JARID2: variants seen among roughly 807,000 people sequenced by gnomAD.
JARID2 encodes jumonji and AT-rich interaction domain containing 2.
In JARID2, 21 loss-of-function variants were observed where a neutral mutation model predicts 125.6. That is an observed-to-expected ratio of 0.17 (90% CI 0.12 to 0.24). JARID2 has a LOEUF of 0.24. Among genes scored for constraint, JARID2 ranks in the 10% least tolerant of loss-of-function variants. The pLI is 1.00. For missense variants in JARID2, 1,303 were observed against 1,639.6 expected (o/e 0.79, Z 3.55); for synonymous variants, 736 against 661.6 (o/e 1.11, Z -1.73).
intron 6 of JARID2, among the ~76,000 whole-genome samples, chr6:15,491,565 G>A (rs1346002527): frequency 1.3e-5 from 2 of 152,252 alleles, no homozygotes; most frequent in African/African-American, 2.4e-5. Context: ...CGGCTCAACG[G>A]CTCCCTCTCG....
At chr6:15,291,707 CT>C (rs1215286893) in intron 1 of JARID2, among the ~76,000 whole-genome samples, 1 of 152,194 alleles carries the variant, frequency 6.6e-6, no homozygotes, top group African/African-American at 2.4e-5. Flanking sequence ...ATGTTGTTTT[CT>C]CTAGAAGTAA....
intron 7 of JARID2, 43 bp downstream of exon 7, chr6:15,497,213 G>T (rs1234664344): frequency 2.1e-6 from 3 of 1,412,364 alleles, no homozygotes. Flanking sequence ...CTGCCCTCCT[G>T]CCCCCAGATC....
At chr6:15,249,057 C>T (rs1759327270) in intron 1 of JARID2, 1 of 607,150 alleles carries the variant, frequency 1.6e-6, no homozygotes, top group African/African-American at 2.0e-5. Context: ...GGAGGCGCCT[C>T]CTTTCTGCAG....
chr6:15,413,172 A>T (rs952559210), intron 3 of JARID2, among the ~76,000 whole-genome samples: 1 of 151,902 alleles, frequency 6.6e-6, no homozygotes, highest in Non-Finnish European at 1.5e-5. Flanking sequence ...GGCATGCGCC[A>T]CTATGCCCGG....
chr6:15,476,407 C>T (rs1265414770), intron 5 of JARID2, among the ~76,000 whole-genome samples: 2 of 152,218 alleles, frequency 1.3e-5, no homozygotes, highest in Admixed American at 6.5e-5. Flanking sequence ...AGTGTCCTGC[C>T]ATCAGCTTCC....
intron 3 of JARID2, among the ~76,000 whole-genome samples, chr6:15,429,803 A>T (rs10949301): frequency 6.6e-6 from 1 of 152,044 alleles, no homozygotes; most frequent in Non-Finnish European, 1.5e-5. Flanking sequence ...AGAGAAATGT[A>T]CACACACGTT....
At chr6:15,486,692 CTT>C (rs1293948507) in intron 5 of JARID2, among the ~76,000 whole-genome samples, 2 of 152,170 alleles carry the variant, frequency 1.3e-5, no homozygotes, top group Non-Finnish European at 2.9e-5. Flanking sequence ...TCCATCATCC[CTT>C]TCTTCATCTC....
chr6:15,480,688 G>A (rs1295490280), intron 5 of JARID2, among the ~76,000 whole-genome samples: 1 of 152,284 alleles, frequency 6.6e-6, no homozygotes, highest in South Asian at 2.1e-4. Flanking sequence ...TCTGAAGAAC[G>A]CAAAGCACTT....
At chr6:15,460,064 T>C (rs973814407) in intron 4 of JARID2, among the ~76,000 whole-genome samples, 3 of 152,200 alleles carry the variant, frequency 2.0e-5, no homozygotes, top group Non-Finnish European at 2.9e-5. Flanking sequence ...AACGGTGTCA[T>C]CACTGCCTAG....
At chr6:15,279,840 C>G (rs1760683290) in intron 1 of JARID2, among the ~76,000 whole-genome samples, 1 of 152,218 alleles carries the variant, frequency 6.6e-6, no homozygotes, top group African/African-American at 2.4e-5. Context: ...TAAGACCCTT[C>G]ATTAAATCAG....
At chr6:15,291,985 T>C (rs1761235130) in intron 1 of JARID2, among the ~76,000 whole-genome samples, 1 of 152,132 alleles carries the variant, frequency 6.6e-6, no homozygotes, top group African/African-American at 2.4e-5. Flanking sequence ...ACAAATGCCC[T>C]TCGATTTAGG....
chr6:15,414,177 T>C (rs971183108), intron 3 of JARID2, among the ~76,000 whole-genome samples: 5 of 152,118 alleles, frequency 3.3e-5, no homozygotes, highest in African/African-American at 9.7e-5. Context: ...TTCCTTCTTA[T>C]GGAAAATAAA....
At chr6:15,435,669 C>T (rs1334654716) in intron 3 of JARID2, among the ~76,000 whole-genome samples, 2 of 152,052 alleles carry the variant, frequency 1.3e-5, no homozygotes, top group Admixed American at 1.3e-4. Flanking sequence ...TCTTGGCCTG[C>T]TGTATTCCTG....
chr6:15,496,037 A>G (rs1770401093), intron 6 of JARID2, 95 bp from the exon 7 acceptor site: 17 of 1,008,258 alleles, frequency 1.7e-5, no homozygotes, highest in Non-Finnish European at 2.5e-5. Flanking sequence ...GTTCATCCCC[A>G]GCATCCAGGG....
chr6:15,344,049 C>G (rs1352928411), intron 1 of JARID2, among the ~76,000 whole-genome samples: 2 of 146,248 alleles, frequency 1.4e-5, no homozygotes, highest in South Asian at 4.4e-4. Flanking sequence ...ATGCAAAATT[C>G]TCTTGAATTT....
intron 2 of JARID2, among the ~76,000 whole-genome samples, chr6:15,398,043 G>A (rs1765283371): frequency 6.6e-6 from 1 of 152,160 alleles, no homozygotes; most frequent in African/African-American, 2.4e-5. Flanking sequence ...TTGATGTTGA[G>A]TTGGAAAAAA....
chr6:15,373,210 C>A lies in JARID2; in HGVS notation c.46-907C>A, dbSNP rs143463376. 1.7e-3 allele frequency among the ~76,000 whole-genome samples: 256 copies of A among 152,304 alleles called. 2 individuals carry two copies. Among genetic ancestry groups the A allele is most frequent in the African/African-American group, 5.3e-3 (219 of 41,576 alleles). ...CATGTATCTCTTCCTATTTACCTTG[C>A]TTTAGTGACTGTTGTCAACCATGTC... On this transcript the variant is annotated intron_variant, in intron 1 of 17. Transcript: ENST00000341776.
intron 1 of JARID2, among the ~76,000 whole-genome samples, chr6:15,357,562 G>A (rs1763645069): frequency 6.6e-6 from 1 of 152,046 alleles, no homozygotes; most frequent in South Asian, 2.1e-4. Context: ...GTTTGTAAAA[G>A]GGAAAAGTCT....
At position 15,501,128 on chromosome 6, in the gene JARID2, G is replaced by A; in HGVS notation, c.2167G>A (p.Val723Met). ...PEEHRRLEKEVLMEKEILEKR... is the reference protein window; with the variant it reads ...PEEHRRLEKEMLMEKEILEKR... Reference sequence around the variant, plus strand: ...GGAGCACCGGCGGCTGGAGAAGGAGGTGCTGATGGAGAAGGAGATCCTGGA... The same window carrying A: ...GGAGCACCGGCGGCTGGAGAAGGAGATGCTGATGGAGAAGGAGATCCTGGA... Residue 723 changes from valine (V) to methionine (M), a missense_variant, in exon 8 of 18, where the codon GTG (valine) becomes ATG (methionine). Physicochemically the swap from Val to Met is conservative, Grantham distance 21. Transcript: ENST00000341776. The A allele has an allele frequency of 6.2e-7, 1 of 1,614,174 alleles. No homozygotes were observed. Among genetic ancestry groups the A allele is most frequent in the Non-Finnish European group, 8.5e-7 (1 of 1,180,030 alleles).
Sources: allele counts gnomAD v4.1 joint callset (sites outside exome capture counted in the v4.1 genomes callset), GRCh38; gene constraint gnomAD v4.1.1; transcripts MANE v1.5; gene names NCBI Gene and HGNC (gene_info 2026-07-23, HGNC 2026-07-21).